The following CNTNAP3B variants were observed in gnomAD, a reference collection of about 807,000 sequenced individuals.
The protein encoded by CNTNAP3B is contactin associated protein family member 3B, also known as contactin-associated protein-like 3B.
CNTNAP3B carries 25 observed loss-of-function variants against 108.9 expected under a neutral mutation model. The observed-to-expected ratio is 0.23, with a 90% CI of 0.17 to 0.32. CNTNAP3B has a LOEUF of 0.32. Ranked by LOEUF, CNTNAP3B falls within the 10% of genes least tolerant of loss-of-function variation. The probability of loss-of-function intolerance (pLI) is 1.00; values close to 1 mark genes in which losing one functional copy is unlikely to be tolerated. For synonymous variants in CNTNAP3B, 103 were observed against 473.4 expected (o/e 0.22, Z 10.16); for missense variants, 252 against 1,210.4 (o/e 0.21, Z 11.75).
Position 42,117,657 on chromosome 9 carries a change from G to A in CNTNAP3B, c.85+11353C>T, listed in dbSNP as rs549809742. On this transcript the variant is annotated intron_variant, in intron 1 of 23. Coordinates refer to ENST00000377561, the MANE Select transcript of CNTNAP3B (RefSeq NM_001201380.3). ...AAACACATTCAAAAGCTAGCAGAAG[G>A]CAAGAAATAACTAAGATCAGAGCAG... 8.4e-4 allele frequency among the ~76,000 whole-genome samples: 114 copies of A among 135,856 alleles called. 18 individuals are homozygous for A. Among genetic ancestry groups the A allele is most frequent in the African/African-American group, 3.3e-3 (111 of 33,920 alleles). 89.1% of individuals were successfully genotyped at this position (135,856 alleles called of 152,430 possible).
At chr9:42,077,099 G>A in intron 2 of CNTNAP3B, 37 bp from the exon 3 acceptor site, 1 of 1,527,944 alleles carries the variant, frequency 6.5e-7, no homozygotes, top group Non-Finnish European at 8.8e-7. Context: ...AATGGTAGAG[G>A]AGGAAGTTAT....
intron 1 of CNTNAP3B, among the ~76,000 whole-genome samples, chr9:42,125,703 C>T (rs1389542457): frequency 2.4e-5 from 3 of 126,578 alleles, no homozygotes; most frequent in South Asian, 2.7e-4. Flanking sequence ...CAGAGTCTCA[C>T]TCCGTCACCC....
chr9:42,095,492 C>A (rs986470503), intron 2 of CNTNAP3B, among the ~76,000 whole-genome samples: 1 of 139,496 alleles, frequency 7.2e-6, no homozygotes, highest in African/African-American at 2.9e-5. Flanking sequence ...TCATCCTCAA[C>A]AACATCACAT....
chr9:42,078,463 G>A (rs1564190637), intron 2 of CNTNAP3B, among the ~76,000 whole-genome samples: 1 of 138,816 alleles, frequency 7.2e-6, no homozygotes, highest in African/African-American at 2.9e-5. Context: ...TATATATATA[G>A]TATGTACACA....
rs1827075963 is a variant in CNTNAP3B, at chr9:42,056,558, G to C, written c.390+20311C>G. Reference sequence around the variant, plus strand: ...GTAGAGGTGGGGTTTCACCGGGTTAGCCAGGATGGTCTTGATCTCCTGACC... The same window carrying C: ...GTAGAGGTGGGGTTTCACCGGGTTACCCAGGATGGTCTTGATCTCCTGACC... On this transcript the variant is annotated intron_variant, in intron 3 of 23. Coordinates refer to ENST00000377561, the MANE Select transcript of CNTNAP3B (RefSeq NM_001201380.3). Among the ~76,000 whole-genome samples the C allele has an allele frequency of 1.5e-5, 2 of 137,732 alleles. 1 individual carries two copies. The highest frequency in any genetic ancestry group is 4.7e-4 in the South Asian group (2 of 4,240). 90.4% of individuals were successfully genotyped at this position (137,732 alleles called of 152,430 possible). A position where few individuals can be genotyped will look rare whatever the true frequency, so the allele number is the denominator to read the frequency against.
At chr9:41,934,654 C>T (rs1824099656) in intron 14 of CNTNAP3B, among the ~76,000 whole-genome samples, 1 of 152,302 alleles carries the variant, frequency 6.6e-6, no homozygotes, top group African/African-American at 2.4e-5. Context: ...TGACATAATA[C>T]AGCTATATCT....
At chr9:42,117,166 C>A (rs2118733307) in intron 1 of CNTNAP3B, among the ~76,000 whole-genome samples, 1 of 136,190 alleles carries the variant, frequency 7.3e-6, no homozygotes, top group South Asian at 2.4e-4. Context: ...AGCTCTGCAC[C>A]AAGCAGACCT....
chr9:41,956,277 CG>C (rs1421369015), intron 12 of CNTNAP3B, among the ~76,000 whole-genome samples: 2 of 151,212 alleles, frequency 1.3e-5, no homozygotes, highest in Admixed American at 1.3e-4. Flanking sequence ...TCCCAGCTAC[CG>C]GGGAGGCCGA....
chr9:41,935,628 C>G lies in CNTNAP3B; in HGVS notation c.2237+2616G>C, dbSNP rs1233504891. ...GTAATTTCCCACCCCCATACACACCCCCACATTTACAAAACAATCTACAAG... is the reference window on the plus strand; with the variant it reads ...GTAATTTCCCACCCCCATACACACCGCCACATTTACAAAACAATCTACAAG... On this transcript the variant is annotated intron_variant, in intron 14 of 23. Coordinates refer to ENST00000377561, the MANE Select transcript of CNTNAP3B (RefSeq NM_001201380.3). 2.0e-5 allele frequency among the ~76,000 whole-genome samples: 3 copies of G among 152,366 alleles called. No individual in the cohort carries two copies. The East Asian group carries it at 5.8e-4, about 29-fold the overall frequency.
Position 42,075,179 on chromosome 9 carries a change from T to C in CNTNAP3B, c.390+1690A>G, listed in dbSNP as rs559550041. ...CTGTCTCTGGGTCCAAAGGTCCTTC[T>C]TGATGAGGACACCAGTCATATTAGA... On this transcript the variant is annotated intron_variant, in intron 3 of 23. Transcript: ENST00000377561. Among the ~76,000 whole-genome samples, 86 of 145,634 alleles carry C rather than the reference T, an allele frequency of 5.9e-4. 3 individuals are homozygous for C. Among genetic ancestry groups the C allele is most frequent in the Non-Finnish European group, 6.3e-4 (42 of 66,930 alleles).
Position 42,098,967 on chromosome 9 carries a change from G to A in CNTNAP3B, c.196+5662C>T, listed in dbSNP as rs1311853189. On this transcript the variant is annotated intron_variant, in intron 2 of 23. Coordinates refer to ENST00000377561, the MANE Select transcript of CNTNAP3B (RefSeq NM_001201380.3). ...CTTACCTGCCCACATCCGAAGGGCT[G>A]GTGCACCCAGAGTCGTGGCTAGGTT... is the stretch of plus-strand genomic sequence containing the variant. Among the ~76,000 whole-genome samples the A allele has an allele frequency of 9.6e-5, 13 of 136,006 alleles. 3 individuals are homozygous for A. Among genetic ancestry groups the A allele is most frequent in the Non-Finnish European group, 2.0e-4 (13 of 64,004 alleles). 89.2% of individuals were successfully genotyped at this position (136,006 alleles called of 152,430 possible). A position where few individuals can be genotyped will look rare whatever the true frequency, so the allele number is the denominator to read the frequency against.
chr9:41,924,645 G>GCGCGCGCGCGCACACACACACACACA (rs1474850625), intron 15 of CNTNAP3B, among the ~76,000 whole-genome samples: 1 of 135,060 alleles, frequency 7.4e-6, no homozygotes, highest in Non-Finnish European at 1.6e-5. Flanking sequence ...TTTCCTTCCT[G>GCGCGCGCGCGCACACACACACACACA]CACACACACA....
rs1303050067 is a variant in CNTNAP3B at position 42,117,438 on chromosome 9, C to T, written c.85+11572G>A. ...TCCTGAATGACTACTGGGTACATAA[C>T]AAAATGAAGGCAGAAATAAAGATGT... On this transcript the variant is annotated intron_variant, in intron 1 of 23. Coordinates refer to ENST00000377561, the MANE Select transcript of CNTNAP3B (RefSeq NM_001201380.3). Among the ~76,000 whole-genome samples the T allele has an allele frequency of 5.8e-5, 8 of 139,074 alleles. 1 individual carries two copies. The highest frequency in any genetic ancestry group is 2.1e-4 in the Admixed American group (3 of 13,962). 91.2% of individuals were successfully genotyped at this position (139,074 alleles called of 152,430 possible).
chr9:41,944,057 G>C (rs1422211281), intron 13 of CNTNAP3B, among the ~76,000 whole-genome samples: 2 of 151,364 alleles, frequency 1.3e-5, no homozygotes, highest in Non-Finnish European at 2.9e-5. Flanking sequence ...ACTGTTGAGA[G>C]AAAACACACA....
chr9:41,919,229 G>C (rs1416918097), intron 18 of CNTNAP3B, among the ~76,000 whole-genome samples: 18 of 152,132 alleles, frequency 1.2e-4, no homozygotes, highest in African/African-American at 4.3e-4. Flanking sequence ...CTGCCTCCCG[G>C]GTTCAAGCAA....
intron 23 of CNTNAP3B, among the ~76,000 whole-genome samples, chr9:41,894,347 C>T (rs1373747258): frequency 1.1e-4 from 11 of 101,248 alleles, no homozygotes; most frequent in East Asian, 4.5e-4. Context: ...AGGCTGGTCT[C>T]GAACTCCTGG....
intron 13 of CNTNAP3B, among the ~76,000 whole-genome samples, chr9:41,952,124 A>C (rs1228279595): frequency 6.6e-6 from 1 of 152,272 alleles, no homozygotes; most frequent in Admixed American, 6.5e-5. Context: ...GGCCAGACGG[A>C]CTAGGGAAGG....
Position 41,965,759 on chromosome 9 carries a change from G to A in CNTNAP3B, c.1650-1115C>T, listed in dbSNP as rs1371380855. Reference sequence around the variant, plus strand: ...CTGGGAGGTTGTGACAGGCCTCCTGGCTGTGGTGGAAGGACGACCAGCAGA... The same window carrying A: ...CTGGGAGGTTGTGACAGGCCTCCTGACTGTGGTGGAAGGACGACCAGCAGA... On this transcript the variant is annotated intron_variant, in intron 10 of 23. Coordinates refer to ENST00000377561, the MANE Select transcript of CNTNAP3B (RefSeq NM_001201380.3). Among the ~76,000 whole-genome samples the A allele has an allele frequency of 4.6e-5, 7 of 152,250 alleles. No homozygotes were observed. In the East Asian group the frequency reaches 5.8e-4, roughly 13 times the overall value.
In CNTNAP3B at chr9:42,127,423, T is replaced by C. The variant is rs1256858707; in HGVS notation, c.85+1587A>G. Reference sequence around the variant, plus strand: ...TATGCAACAAAAACAGGAAAGGTGGTGGCAGGATCTCAGATTTCATTTTTC... The same window carrying C: ...TATGCAACAAAAACAGGAAAGGTGGCGGCAGGATCTCAGATTTCATTTTTC... On this transcript the variant is annotated intron_variant, in intron 1 of 23. Transcript: ENST00000377561. Among the ~76,000 whole-genome samples, 11 of 139,574 alleles carry C rather than the reference T, an allele frequency of 7.9e-5. 1 individual carries two copies. The highest frequency in any genetic ancestry group is 3.1e-5 in the Non-Finnish European group (2 of 65,042). The allele number at this position is 139,574 out of a possible 152,430, so 91.6% of individuals were successfully genotyped here. A position where few individuals can be genotyped will look rare whatever the true frequency, so the allele number is the denominator to read the frequency against.
Sources: allele counts gnomAD v4.1 joint callset (sites outside exome capture counted in the v4.1 genomes callset), GRCh38; gene constraint gnomAD v4.1.1; transcripts MANE v1.5; gene names NCBI Gene and HGNC (gene_info 2026-07-23, HGNC 2026-07-21).